Variants in AOPEP observed in about 807,000 individuals in gnomAD.
AOPEP encodes aminopeptidase O.
AOPEP carries 77 observed loss-of-function variants against 98.1 expected under a neutral mutation model. The observed-to-expected ratio is 0.78, with a 90% CI of 0.65 to 0.95. AOPEP has a LOEUF of 0.95. AOPEP is among the 40% of genes least tolerant of loss of function. The pLI is 0.00. For missense variants in AOPEP, 1,024 were observed against 1,024.7 expected (o/e 1.00, Z 0.01); for synonymous variants, 346 against 365.3 (o/e 0.95, Z 0.60).
intron 1 of AOPEP, among the ~76,000 whole-genome samples, chr9:94,758,659 T>C (rs1307279874): frequency 1.3e-5 from 2 of 152,242 alleles, no homozygotes; most frequent in Non-Finnish European, 2.9e-5. Context: ...ATATCTGCTC[T>C]GTCAGAGTTT....
rs2059599191 is a variant in AOPEP at position 94,972,572 on chromosome 9, C to T, written c.1916+4771C>T. On this transcript the variant is annotated intron_variant, in intron 10 of 16. Coordinates refer to ENST00000375315, the MANE Select transcript of AOPEP (RefSeq NM_001193329.3). This position sits in a 1 kb window ranked among gnomAD's most constrained non-coding sequence, Gnocchi z 4.2. ...ACTGTTCCTCCCCCACGGAGCTACA[C>T]AGTACTTGTTTTATAAGTGTGACCT... Among the ~76,000 whole-genome samples the T allele has an allele frequency of 1.3e-5, 2 of 152,192 alleles. No individual in the cohort carries two copies.
At chr9:94,933,708 C>T (rs946834038) in intron 7 of AOPEP, 1 of 975,456 alleles carries the variant, frequency 1.0e-6, no homozygotes, top group Non-Finnish European at 1.2e-6. Flanking sequence ...ACTGTACATT[C>T]CACTTAAAAT....
chr9:94,739,471 C>G (rs1169081789), intron 1 of AOPEP, among the ~76,000 whole-genome samples: 1 of 151,920 alleles, frequency 6.6e-6, no homozygotes, highest in Admixed American at 6.6e-5. Flanking sequence ...ATGGTGAAAC[C>G]CTGTCTCTAC....
chr9:95,135,282 TAAAAG>T, the AOPEP span: 5 of 1,513,592 alleles, frequency 3.3e-6, no homozygotes, highest in Non-Finnish European at 3.7e-6. Context: ...ATTCTCTGAC[TAAAAG>T]AAATGATTCC....
In AOPEP at chr9:94,869,971, A is replaced by AT. The variant is rs10556167; in HGVS notation, c.1365-53981dup. Reference sequence around the variant, plus strand: ...GGAGAGGGAGGAATAGAAGCCATGAATTTTTTTTTTTTTTTTTTTTTTTTT... The same window carrying AT: ...GGAGAGGGAGGAATAGAAGCCATGAATTTTTTTTTTTTTTTTTTTTTTTTTT... On this transcript the variant is annotated intron_variant, in intron 5 of 16. Coordinates refer to ENST00000375315, the MANE Select transcript of AOPEP (RefSeq NM_001193329.3). 4.3e-3 allele frequency among the ~76,000 whole-genome samples: 399 copies of AT among 93,498 alleles called. 7 individuals are homozygous for AT. Among genetic ancestry groups the AT allele is most frequent in the African/African-American group, 0.011 (244 of 22,804 alleles). The allele number at this position is 93,498 out of a possible 152,430, so 61.3% of individuals were successfully genotyped here. A position where few individuals can be genotyped will look rare whatever the true frequency, so the allele number is the denominator to read the frequency against.
chr9:95,094,854 C>T, the AOPEP span, among the ~76,000 whole-genome samples: 4 of 152,118 alleles, frequency 2.6e-5, no homozygotes, highest in South Asian at 2.1e-4. Flanking sequence ...TCAGTAGAGA[C>T]GGGGTTTCAC....
At chr9:95,138,431 A>G in the AOPEP span, among the ~76,000 whole-genome samples, 1 of 152,176 alleles carries the variant, frequency 6.6e-6, no homozygotes, top group East Asian at 1.9e-4. Context: ...TCCAGTAATC[A>G]TGGGGAAGCA....
chr9:95,137,131 C>T, the AOPEP span, among the ~76,000 whole-genome samples: 1 of 152,232 alleles, frequency 6.6e-6, no homozygotes, highest in Non-Finnish European at 1.5e-5. Context: ...CCCAACAACC[C>T]CTTCAAGGCC....
intron 10 of AOPEP, among the ~76,000 whole-genome samples, chr9:94,969,931 C>G (rs964738102): frequency 3.9e-5 from 6 of 152,226 alleles, no homozygotes; most frequent in African/African-American, 1.4e-4. Flanking sequence ...GTTGATGAGA[C>G]TGTCTTATAG....
At chr9:94,937,978 A>G (rs565038006) in intron 7 of AOPEP, among the ~76,000 whole-genome samples, 83 of 152,190 alleles carry the variant, frequency 5.5e-4, no homozygotes, top group South Asian at 1.2e-3. Flanking sequence ...GGTTCAAGCG[A>G]TTCTCCTGCC....
chr9:94,730,540 G>T (rs1300532534), intron 1 of AOPEP, among the ~76,000 whole-genome samples: 1 of 152,122 alleles, frequency 6.6e-6, no homozygotes, highest in Admixed American at 6.5e-5. Flanking sequence ...GACTCATAAA[G>T]CGTGTAACTT....
chr9:94,728,314 G>A (rs532619631), intron 1 of AOPEP, among the ~76,000 whole-genome samples: 2 of 151,894 alleles, frequency 1.3e-5, no homozygotes, highest in South Asian at 4.2e-4. Context: ...AAACAAGATT[G>A]TGCAGTAAAA....
At chr9:95,093,886 G>A in the AOPEP span, among the ~76,000 whole-genome samples, 2 of 152,214 alleles carry the variant, frequency 1.3e-5, no homozygotes, top group Admixed American at 1.3e-4. Flanking sequence ...TGTAGCCTTG[G>A]GCACATTATT....
chr9:94,870,233 G>T (rs1409838444), intron 5 of AOPEP, among the ~76,000 whole-genome samples: 1 of 152,004 alleles, frequency 6.6e-6, no homozygotes, highest in African/African-American at 2.4e-5. Context: ...CAGGTGATCT[G>T]CCCGCCTCCG....
At chr9:94,752,333 T>G (rs184482300) in intron 1 of AOPEP, among the ~76,000 whole-genome samples, 1 of 149,064 alleles carries the variant, frequency 6.7e-6, no homozygotes, top group East Asian at 2.0e-4. Context: ...ACAACACACA[T>G]ACAGACACAC....
At chr9:95,099,922 C>T in the AOPEP span, 10 of 232,966 alleles carry the variant, frequency 4.3e-5, no homozygotes, top group Non-Finnish European at 5.9e-5. Context: ...AAGAGGCCAA[C>T]CCTGTACACA....
chr9:95,062,975 T>C (rs914433881), intron 14 of AOPEP, among the ~76,000 whole-genome samples: 9 of 152,308 alleles, frequency 5.9e-5, no homozygotes, highest in Admixed American at 1.3e-4. Flanking sequence ...ACCTCCTGCC[T>C]TGCCACCCCT....
intron 14 of AOPEP, among the ~76,000 whole-genome samples, chr9:95,075,171 C>A (rs1421572436): frequency 6.6e-6 from 1 of 152,154 alleles, no homozygotes; most frequent in East Asian, 1.9e-4. Flanking sequence ...CATGCTGACT[C>A]TAGGCTCTCA....
intron 11 of AOPEP, among the ~76,000 whole-genome samples, chr9:94,981,004 G>A (rs776131450): frequency 6.6e-6 from 1 of 152,244 alleles, no homozygotes; most frequent in Non-Finnish European, 1.5e-5. Context: ...TGGAAGCTGG[G>A]AGCTCCAGTA....
Sources: gnomAD v4.1 joint callset for allele counts (sites outside exome capture counted in the v4.1 genomes callset) on GRCh38, gnomAD v4.1.1 for gene constraint, Gnocchi (gnomAD v3.1) non-coding constraint, MANE v1.5 for transcripts, NCBI Gene and HGNC (gene_info 2026-07-23, HGNC 2026-07-21) for gene names.